Variants in TBC1D14 observed in about 807,000 individuals in gnomAD.
The protein encoded by TBC1D14 is TBC1 domain family member 14.
TBC1D14 carries 26 observed loss-of-function variants against 79.0 expected under a neutral mutation model. That is an observed-to-expected ratio of 0.33 (90% CI 0.24 to 0.46). TBC1D14 has a LOEUF of 0.46. Ranked by LOEUF, TBC1D14 falls within the 20% of genes least tolerant of loss-of-function variation. The pLI, the probability that TBC1D14 is intolerant of heterozygous loss-of-function variation, is 1.00. For missense variants in TBC1D14, 769 were observed against 887.6 expected, an observed-to-expected ratio of 0.87 and a Z score of 1.70; for synonymous variants, 394 against 349.9, an observed-to-expected ratio of 1.13 and a Z score of -1.40.
chr4:7,006,720 C>T lies in TBC1D14; in HGVS notation c.1440C>T (p.Phe480=). 6 of 1,613,446 alleles carry T rather than the reference C, an allele frequency of 3.7e-6. No homozygotes were observed. The highest frequency in any genetic ancestry group is 5.1e-6 in the Non-Finnish European group (6 of 1,179,638). The part of the protein sequence containing the change: ...ISRTFPNLCI[F]QQGGPYHDML... Reference sequence around the variant, plus strand: ...GAACATTTCCTAATCTCTGCATTTTCCAGCAAGTAAGTGGTGGTGACTTGT... The same window carrying T: ...GAACATTTCCTAATCTCTGCATTTTTCAGCAAGTAAGTGGTGGTGACTTGT... The change falls in exon 9 of 14, where the codon TTC becomes TTT. Residue 480 remains phenylalanine, a synonymous_variant. Coordinates refer to ENST00000409757, the MANE Select transcript of TBC1D14 (RefSeq NM_020773.3).
chr4:6,911,293 G>A lies in TBC1D14; in HGVS notation c.-18+1342G>A, dbSNP rs563037388. Among the ~76,000 whole-genome samples, 5 of 152,322 alleles carry A rather than the reference G, an allele frequency of 3.3e-5. No individual in the cohort carries two copies. In the East Asian group the frequency reaches 9.6e-4, roughly 29 times the overall value. The stretch of plus-strand genomic sequence containing the variant: ...AACTTGGTGCTCAGGGTCATTGGGC[G>A]AAAACACCTTTTGGGAAACATCAAG... On this transcript the variant is annotated intron_variant, in intron 1 of 13. Coordinates refer to ENST00000409757, the MANE Select transcript of TBC1D14 (RefSeq NM_020773.3).
chr4:6,930,244 C>T (rs545630269), intron 2 of TBC1D14, among the ~76,000 whole-genome samples: 1 of 152,286 alleles, frequency 6.6e-6, no homozygotes, highest in South Asian at 2.1e-4. Flanking sequence ...CTTGAGCCAT[C>T]GCGGGCCAGC....
rs1723181218 is a variant in TBC1D14 at position 7,032,798 on chromosome 4, C to A, written c.*2406C>A. 1 of 152,242 alleles carries A rather than the reference C, an allele frequency of 6.6e-6. No individual in the cohort carries two copies. Among genetic ancestry groups the A allele is most frequent in the Non-Finnish European group, 1.5e-5 (1 of 68,052 alleles). 9.4% of individuals were successfully genotyped at this position (152,242 alleles called of 1,614,324 possible). A position where few individuals can be genotyped will look rare whatever the true frequency, so the allele number is the denominator to read the frequency against. On this transcript the variant is annotated 3_prime_UTR_variant, in exon 14 of 14. Transcript: ENST00000409757. ...AGGTCTGCACACTCCACTTCACATG[C>A]CGTTGACTCTCACAGTCTAAGACTT...
At chr4:6,966,441 ACTTT>A (rs1405721435) in intron 2 of TBC1D14, among the ~76,000 whole-genome samples, 1 of 152,204 alleles carries the variant, frequency 6.6e-6, no homozygotes, top group Non-Finnish European at 1.5e-5. Flanking sequence ...CTCATGAGTA[ACTTT>A]CTTTTTATGA....
intron 12 of TBC1D14, 96 bp from the exon 13 acceptor site, chr4:7,024,908 A>G: frequency 6.6e-7 from 1 of 1,526,626 alleles, no homozygotes; most frequent in African/African-American, 1.4e-5. Flanking sequence ...GAAAGTGACT[A>G]GGGGAGTGTT....
intron 2 of TBC1D14, among the ~76,000 whole-genome samples, chr4:6,930,942 C>T (rs1478734852): frequency 6.6e-6 from 1 of 151,934 alleles, no homozygotes; most frequent in East Asian, 1.9e-4. Context: ...GCTGTGTTGC[C>T]TAGGCTGGAG....
At chr4:7,020,226 T>C (rs1721697482) in intron 12 of TBC1D14, among the ~76,000 whole-genome samples, 1 of 152,192 alleles carries the variant, frequency 6.6e-6, no homozygotes, top group Non-Finnish European at 1.5e-5. Context: ...GAGCTGGATA[T>C]ATGTCTAATT....
At chr4:6,950,059 C>T (rs981671267) in intron 2 of TBC1D14, among the ~76,000 whole-genome samples, 3 of 152,118 alleles carry the variant, frequency 2.0e-5, no homozygotes, top group Admixed American at 1.3e-4. Context: ...GCTCCCTCTC[C>T]CCGTGCTCCC....
At chr4:6,981,314 T>C (rs1577117319) in intron 3 of TBC1D14, among the ~76,000 whole-genome samples, 1 of 152,202 alleles carries the variant, frequency 6.6e-6, no homozygotes, top group South Asian at 2.1e-4. Flanking sequence ...TGTGAGGTAC[T>C]GCACCAGCCA....
At position 7,030,655 on chromosome 4, in the gene TBC1D14, C is replaced by T. The variant is rs995473854; in HGVS notation, c.*263C>T. 12 of 379,190 alleles carry T rather than the reference C, an allele frequency of 3.2e-5. No homozygotes were observed. Among genetic ancestry groups the T allele is most frequent in the Admixed American group, 1.9e-4 (5 of 26,084 alleles). 23.5% of individuals were successfully genotyped at this position (379,190 alleles called of 1,614,324 possible). ...ATCTGCTGCACAGTTGAACGATGGG[C>T]AGTGGCTCACCCCCACTCCTTTATT... On this transcript the variant is annotated 3_prime_UTR_variant, in exon 14 of 14. Transcript: ENST00000409757.
At chr4:7,011,059 G>A (rs1577167327) in intron 11 of TBC1D14, among the ~76,000 whole-genome samples, 1 of 152,270 alleles carries the variant, frequency 6.6e-6, no homozygotes, top group East Asian at 1.9e-4. Context: ...AATGAAGGAA[G>A]AAGTGTGGCT....
chr4:6,991,253 T>A (rs1333468331), intron 3 of TBC1D14, among the ~76,000 whole-genome samples: 2 of 152,236 alleles, frequency 1.3e-5, no homozygotes, highest in African/African-American at 2.4e-5. Flanking sequence ...CGGTCACGGT[T>A]GTGAAAACTA....
chr4:6,912,613 A>G (rs923019736), intron 1 of TBC1D14, among the ~76,000 whole-genome samples: 15 of 152,082 alleles, frequency 9.9e-5, no homozygotes, highest in African/African-American at 3.4e-4. Context: ...GGCCTTGTAG[A>G]CACAGACTGG....
chr4:6,987,066 G>T lies in TBC1D14; in HGVS notation c.844-7118G>T, dbSNP rs903548039. 43 of 531,858 alleles carry T rather than the reference G, an allele frequency of 8.1e-5. 2 individuals are homozygous for T. In the East Asian group the frequency reaches 4.0e-3, roughly 50 times the overall value. 32.9% of individuals were successfully genotyped at this position (531,858 alleles called of 1,614,324 possible). On this transcript the variant is annotated intron_variant, in intron 3 of 13. Coordinates refer to ENST00000409757, the MANE Select transcript of TBC1D14 (RefSeq NM_020773.3). ...TTTACGGCCGGTGGGGCCGTACCAC[G>T]GGGACGCCCCAGCCCCGCCCCTTGT...
At chr4:6,987,568 C>G (rs955443363) in intron 3 of TBC1D14, 1 of 406,732 alleles carries the variant, frequency 2.5e-6, no homozygotes, top group Non-Finnish European at 4.3e-6. Flanking sequence ...CTCCCTGGTA[C>G]TCTTTGTGTC....
At chr4:6,926,320 G>A (rs774162154) in intron 2 of TBC1D14, among the ~76,000 whole-genome samples, 9 of 152,184 alleles carry the variant, frequency 5.9e-5, no homozygotes, top group Non-Finnish European at 1.2e-4. Flanking sequence ...TCATGGCCAC[G>A]TTGCTCTTTC....
chr4:6,990,632 A>AG (rs1269903909), intron 3 of TBC1D14, among the ~76,000 whole-genome samples: 1 of 152,138 alleles, frequency 6.6e-6, no homozygotes, highest in Non-Finnish European at 1.5e-5. Flanking sequence ...GGGAATGATG[A>AG]GTTGGACTGA....
At chr4:6,931,195 G>A (rs1297950409) in intron 2 of TBC1D14, among the ~76,000 whole-genome samples, 3 of 152,134 alleles carry the variant, frequency 2.0e-5, no homozygotes, top group Admixed American at 6.5e-5. Flanking sequence ...CACCACGCCC[G>A]GCCTCACTCT....
At chr4:7,000,844 G>C (rs1560331648) in intron 6 of TBC1D14, among the ~76,000 whole-genome samples, 2 of 152,200 alleles carry the variant, frequency 1.3e-5, no homozygotes, top group African/African-American at 4.8e-5. Flanking sequence ...TGCTCAGAAA[G>C]TCCTCCCCAT....
Sources: gnomAD v4.1 joint callset for allele counts (sites outside exome capture counted in the v4.1 genomes callset) on GRCh38, gnomAD v4.1.1 for gene constraint, MANE v1.5 for transcripts, NCBI Gene and HGNC (gene_info 2026-07-23, HGNC 2026-07-21) for gene names.